ADRA1A: variants seen among roughly 807,000 people sequenced by gnomAD.
The protein encoded by ADRA1A is alpha-1A adrenergic receptor.
Under a neutral mutation model 29.6 loss-of-function variants are expected in ADRA1A, and 31 were observed. That is an observed-to-expected ratio of 1.05 (90% CI 0.79 to 1.41). ADRA1A has a LOEUF of 1.41. Among genes scored for constraint, ADRA1A ranks in the 40% most tolerant of loss-of-function variants. The pLI, the probability that ADRA1A is intolerant of heterozygous loss-of-function variation, is 0.00. For synonymous variants in ADRA1A, 311 were observed against 254.3 expected (o/e 1.22, Z -2.12); for missense variants, 619 against 601.1 (o/e 1.03, Z -0.31).
intron 2 of ADRA1A, among the ~76,000 whole-genome samples, chr8:26,798,379 AC>A (rs1808331755): frequency 6.6e-6 from 1 of 152,236 alleles, no homozygotes. Context: ...GGCTTTTTTA[AC>A]CCATAAAGAA....
chr8:26,864,065 G>C lies in ADRA1A; in HGVS notation c.883+22C>G. On this transcript the variant is annotated intron_variant, in intron 2 of 2. Transcript: ENST00000380573. This position sits in a 1 kb window ranked among gnomAD's most constrained non-coding sequence, Gnocchi z 8.1. Reference sequence around the variant, plus strand: ...AGGGTGAAGACCCCCAGATGCTAAAGTGAGGGGTGTTCAAGACTTACCAAT... The same window carrying C: ...AGGGTGAAGACCCCCAGATGCTAAACTGAGGGGTGTTCAAGACTTACCAAT... The C allele has an allele frequency of 6.3e-7, 1 of 1,599,092 alleles. No individual in the cohort carries two copies. The highest frequency in any genetic ancestry group is 8.5e-7 in the Non-Finnish European group (1 of 1,172,848).
Position 26,825,791 on chromosome 8 carries a change from G to A in ADRA1A, c.883+38296C>T, listed in dbSNP as rs1347755973. Among the ~76,000 whole-genome samples the A allele has an allele frequency of 1.3e-5, 2 of 152,186 alleles. No homozygotes were observed. The highest frequency in any genetic ancestry group is 1.3e-4 in the Admixed American group (2 of 15,282). ...CTCCCTTGTATCCTGCGGGCATTCTGGTTCGATACTAGGCACAGTGTTGAT... is the reference window on the plus strand; with the variant it reads ...CTCCCTTGTATCCTGCGGGCATTCTAGTTCGATACTAGGCACAGTGTTGAT... On this transcript the variant is annotated intron_variant, in intron 2 of 2. Transcript: ENST00000380573. This position sits in a 1 kb window ranked among gnomAD's most constrained non-coding sequence, Gnocchi z 5.7.
intron 2 of ADRA1A, among the ~76,000 whole-genome samples, chr8:26,792,527 C>G (rs924370678): frequency 6.6e-6 from 1 of 150,880 alleles, no homozygotes; most frequent in South Asian, 2.1e-4. Context: ...AGGACATTCT[C>G]TTAGTAGCAC....
rs964356760 is a variant in ADRA1A at position 26,775,135 on chromosome 8, C to T, written c.884-4469G>A. On this transcript the variant is annotated intron_variant, in intron 2 of 2. Transcript: ENST00000380573. The surrounding 1 kb of genome is among the most constrained non-coding windows in gnomAD (Gnocchi z 4.1). ...CGGAGCTCCAGAATCCAGTAAAATG[C>T]TAGAGTCTTGAAGGCATTCTCCTAG... Among the ~76,000 whole-genome samples the T allele has an allele frequency of 6.6e-6, 1 of 152,174 alleles. No homozygotes were observed. The highest frequency in any genetic ancestry group is 1.9e-4 in the East Asian group (1 of 5,186).
intron 2 of ADRA1A, chr8:26,757,201 T>C: frequency 1.4e-6 from 1 of 698,736 alleles, no homozygotes; most frequent in Non-Finnish European, 2.6e-6. Context: ...TTTTTTCCTC[T>C]CTTTAAAACA....
At chr8:26,814,142 T>A (rs1809603735) in intron 2 of ADRA1A, among the ~76,000 whole-genome samples, 1 of 152,212 alleles carries the variant, frequency 6.6e-6, no homozygotes, top group African/African-American at 2.4e-5. Flanking sequence ...TTATAAAGTT[T>A]TTTTCTTAGC....
At chr8:26,854,902 C>A (rs182589995) in intron 2 of ADRA1A, among the ~76,000 whole-genome samples, 103 of 152,226 alleles carry the variant, frequency 6.8e-4, no homozygotes, top group South Asian at 2.5e-3. Flanking sequence ...GGAGGTGATG[C>A]AGAAAGAGGC....
At chr8:26,772,470 G>A (rs913122707) in intron 2 of ADRA1A, among the ~76,000 whole-genome samples, 4 of 152,154 alleles carry the variant, frequency 2.6e-5, no homozygotes, top group African/African-American at 7.2e-5. Context: ...ACAGCTTCGT[G>A]TACAGTTGGT....
chr8:26,858,631 T>C (rs1223637378), intron 2 of ADRA1A, among the ~76,000 whole-genome samples: 3 of 152,246 alleles, frequency 2.0e-5, no homozygotes, highest in African/African-American at 4.8e-5. Context: ...AGATGATTCA[T>C]AGGCTTTAGA....
chr8:26,778,988 C>T (rs1806753946), intron 2 of ADRA1A: 2 of 172,458 alleles, frequency 1.2e-5, no homozygotes. Flanking sequence ...TGTCTCTGCA[C>T]AAAATCTCTC....
At chr8:26,762,377 C>T (rs1282236888), downstream of ADRA1A, among the ~76,000 whole-genome samples, 1 of 152,132 alleles carries the variant, frequency 6.6e-6, no homozygotes, top group Non-Finnish European at 1.5e-5. This position sits in a 1 kb window ranked among gnomAD's most constrained non-coding sequence, Gnocchi z 4.0. Context: ...CTGTCTCCTG[C>T]CCTGGGCTCT....
rs918515152 is a variant in ADRA1A at position 26,867,014 on chromosome 8, C to T, written c.-765G>A. 6.1e-6 allele frequency: 6 copies of T among 985,212 alleles called. No individual in the cohort carries two copies. The Admixed American group carries it at 3.7e-4, about 61-fold the overall frequency. 61.0% of individuals were successfully genotyped at this position (985,212 alleles called of 1,614,324 possible). A position where few individuals can be genotyped will look rare whatever the true frequency, so the allele number is the denominator to read the frequency against. The stretch of plus-strand genomic sequence containing the variant: ...TTCGGTCCCGGGAGCTGCCTGCCTG[C>T]TCTTCTCTGGAGGCGGAGAGGGGAC... On this transcript the variant is annotated 5_prime_UTR_variant, in exon 1 of 3. Transcript: ENST00000380573.
intron 2 of ADRA1A, among the ~76,000 whole-genome samples, chr8:26,822,275 C>A (rs1810228591): frequency 6.6e-6 from 1 of 152,204 alleles, no homozygotes; most frequent in Non-Finnish European, 1.5e-5. Context: ...GAGCAAATCT[C>A]TCCAAGACTC....
At chr8:26,788,977 G>A (rs183722647) in intron 2 of ADRA1A, among the ~76,000 whole-genome samples, 14 of 151,980 alleles carry the variant, frequency 9.2e-5, no homozygotes, top group East Asian at 7.7e-4. Context: ...ATACATGTGC[G>A]GAACGTGCAC....
intron 2 of ADRA1A, among the ~76,000 whole-genome samples, chr8:26,852,830 G>A (rs780640423): frequency 2.0e-5 from 3 of 152,086 alleles, no homozygotes; most frequent in Non-Finnish European, 2.9e-5. Flanking sequence ...TAACATAAAC[G>A]TGCTACCAAA....
intron 2 of ADRA1A, among the ~76,000 whole-genome samples, chr8:26,750,025 T>C (rs948484980): frequency 1.3e-5 from 2 of 152,170 alleles, no homozygotes; most frequent in Admixed American, 1.3e-4. Context: ...CATAAATAGG[T>C]GGCTTATACA....
At chr8:26,818,793 T>TA (rs1809945713) in intron 2 of ADRA1A, among the ~76,000 whole-genome samples, 1 of 151,026 alleles carries the variant, frequency 6.6e-6, no homozygotes, top group Admixed American at 6.6e-5. Context: ...GAAGAAAAAG[T>TA]AAAAAAATTA....
At chr8:26,858,307 G>C (rs1412974589) in intron 2 of ADRA1A, among the ~76,000 whole-genome samples, 2 of 152,176 alleles carry the variant, frequency 1.3e-5, no homozygotes, top group African/African-American at 4.8e-5. Flanking sequence ...TATGTTTTCA[G>C]TGATTGTTGC....
At chr8:26,755,615 T>C (rs1805128754), downstream of ADRA1A, among the ~76,000 whole-genome samples, 3 of 152,174 alleles carry the variant, frequency 2.0e-5, no homozygotes. Context: ...CCCCACCCCA[T>C]TGTGTCCTCC....
Sources: allele counts gnomAD v4.1 joint callset (sites outside exome capture counted in the v4.1 genomes callset), GRCh38; gene constraint gnomAD v4.1.1; non-coding constraint Gnocchi (gnomAD v3.1); transcripts MANE v1.5; gene names NCBI Gene and HGNC (gene_info 2026-07-23, HGNC 2026-07-21).